PCLO: variants seen among roughly 807,000 people sequenced by gnomAD.
PCLO encodes piccolo presynaptic cytomatrix protein, also known as protein piccolo.
PCLO carries 82 observed loss-of-function variants against 427.5 expected under a neutral mutation model. The ratio of observed to expected loss-of-function variants is 0.19; its 90% CI spans 0.16 to 0.23. PCLO has a LOEUF of 0.23. PCLO is among the 10% of genes least tolerant of loss of function. The pLI is 1.00. For synonymous variants in PCLO, 2,357 were observed against 2,155.4 expected (o/e 1.09, Z -2.59); for missense variants, 6,239 against 6,115.9 (o/e 1.02, Z -0.67).
intron 3 of PCLO, among the ~76,000 whole-genome samples, chr7:83,029,605 T>C (rs1219925190): frequency 8.0e-6 from 1 of 124,614 alleles, no homozygotes; most frequent in Non-Finnish European, 1.7e-5. Flanking sequence ...GCCATCCCAT[T>C]ACTGGGTATA....
intron 17 of PCLO, 81 bp from the exon 18 acceptor site, chr7:82,826,741 AT>A (rs1007284275): frequency 4.9e-5 from 39 of 795,226 alleles, no homozygotes; most frequent in African/African-American, 4.6e-4. Context: ...AGACATATTT[AT>A]TTTTTTCCTT....
chr7:82,928,140 G>A (rs555048921), intron 6 of PCLO, among the ~76,000 whole-genome samples: 39 of 152,128 alleles, frequency 2.6e-4, no homozygotes, highest in Non-Finnish European at 5.0e-4. Flanking sequence ...ATTTAGAATC[G>A]CATTATTGAA....
intron 14 of PCLO, 73 bp from the exon 15 acceptor site, chr7:82,838,415 T>A: frequency 1.1e-6 from 1 of 885,830 alleles, no homozygotes; most frequent in South Asian, 2.1e-5. Flanking sequence ...ATTTACTAGT[T>A]TTTTTTAAAG....
intron 3 of PCLO, among the ~76,000 whole-genome samples, chr7:83,024,298 G>T (rs147973615): frequency 6.6e-6 from 1 of 152,164 alleles, no homozygotes; most frequent in Non-Finnish European, 1.5e-5. Flanking sequence ...CTCGGGAAGC[G>T]CAAGGGGTCA....
At position 83,162,333 on chromosome 7, in the gene PCLO, T is replaced by C. The variant is rs374550169; in HGVS notation, c.248+12A>G. ...CATATATGCCCGGACATATACATCATGCTGTGCATGCCTGTGCATGGAAGG... is the reference window on the plus strand; with the variant it reads ...CATATATGCCCGGACATATACATCACGCTGTGCATGCCTGTGCATGGAAGG... On this transcript the variant is annotated intron_variant, in intron 1 of 24. Transcript: ENST00000333891. 1.4e-5 allele frequency: 23 copies of C among 1,592,012 alleles called. No individual in the cohort carries two copies. Among genetic ancestry groups the C allele is most frequent in the South Asian group, 5.7e-5 (5 of 88,144 alleles).
intron 22 of PCLO, among the ~76,000 whole-genome samples, chr7:82,770,293 G>T (rs1790622594): frequency 6.6e-6 from 1 of 151,728 alleles, no homozygotes; most frequent in African/African-American, 2.4e-5. Flanking sequence ...AATAATTCTA[G>T]ATATTCATGG....
At chr7:82,914,618 A>T in intron 7 of PCLO, 68 bp downstream of exon 7, 1 of 1,471,184 alleles carries the variant, frequency 6.8e-7, no homozygotes, top group Non-Finnish European at 9.4e-7. Flanking sequence ...GGAGAAGGGA[A>T]ATTAAACATG....
At position 82,933,747 on chromosome 7, in the gene PCLO, C is replaced by G. The variant is rs1008472858; in HGVS notation, c.11112+15729G>C. ...ACATAAGAAGCATAGATTTTGAGGC[C>G]CTTTGTCAAAATAAGGCCAAGGCCA... On this transcript the variant is annotated intron_variant, in intron 6 of 24. Transcript: ENST00000333891. Among the ~76,000 whole-genome samples the G allele has an allele frequency of 9.2e-5, 14 of 152,026 alleles. No homozygotes were observed. In the East Asian group the frequency reaches 2.7e-3, roughly 29 times the overall value.
At chr7:83,102,955 G>C (rs1379429572) in intron 3 of PCLO, among the ~76,000 whole-genome samples, 1 of 151,300 alleles carries the variant, frequency 6.6e-6, no homozygotes, top group African/African-American at 2.4e-5. Flanking sequence ...CTACAAATCT[G>C]AGACATTTAT....
At chr7:83,024,148 G>A (rs900731981) in intron 3 of PCLO, among the ~76,000 whole-genome samples, 2 of 152,212 alleles carry the variant, frequency 1.3e-5, no homozygotes, top group Admixed American at 1.3e-4. Context: ...CTCCCAGCGT[G>A]AGCGACGCAG....
intron 10 of PCLO, among the ~76,000 whole-genome samples, chr7:82,858,710 C>T (rs980040453): frequency 6.6e-6 from 1 of 151,964 alleles, no homozygotes; most frequent in Non-Finnish European, 1.5e-5. Flanking sequence ...TTTGAAATAT[C>T]ATATATGATA....
At chr7:83,153,067 T>A (rs1792177341) in intron 2 of PCLO, among the ~76,000 whole-genome samples, 1 of 151,932 alleles carries the variant, frequency 6.6e-6, no homozygotes, top group African/African-American at 2.4e-5. Flanking sequence ...TATAAAGTGA[T>A]CATCTATCAT....
intron 22 of PCLO, among the ~76,000 whole-genome samples, chr7:82,770,908 C>T (rs577105965): frequency 3.3e-5 from 5 of 151,770 alleles, no homozygotes; most frequent in East Asian, 1.9e-4. Flanking sequence ...ATATTAAAGC[C>T]GCTGATATGT....
intron 3 of PCLO, among the ~76,000 whole-genome samples, chr7:82,974,143 T>C (rs1407410786): frequency 1.3e-5 from 2 of 152,154 alleles, no homozygotes; most frequent in Admixed American, 6.6e-5. Context: ...TCCTAGCACT[T>C]TGGGAGACCG....
chr7:82,763,953 T>A (rs1411511507), intron 22 of PCLO, among the ~76,000 whole-genome samples: 1 of 151,968 alleles, frequency 6.6e-6, no homozygotes, highest in Non-Finnish European at 1.5e-5. Flanking sequence ...TTTGACTCTC[T>A]CAGAAATATA....
intron 10 of PCLO, among the ~76,000 whole-genome samples, chr7:82,855,346 C>G (rs1792775318): frequency 6.6e-6 from 1 of 151,974 alleles, no homozygotes; most frequent in Non-Finnish European, 1.5e-5. Flanking sequence ...AATGGTAGTA[C>G]AGAAATATGA....
chr7:82,965,316 CTTTT>C (rs544516132), intron 4 of PCLO, among the ~76,000 whole-genome samples: 239 of 123,066 alleles, frequency 1.9e-3, no homozygotes, highest in African/African-American at 4.3e-3. Context: ...TTCTTTCTTT[CTTTT>C]TTTTTTTTTT....
intron 4 of PCLO, among the ~76,000 whole-genome samples, chr7:82,963,366 A>G (rs1322445296): frequency 6.6e-6 from 1 of 152,106 alleles, no homozygotes; most frequent in Non-Finnish European, 1.5e-5. Context: ...CTGATAGTTA[A>G]CAAACACAAA....
At chr7:83,158,108 A>G (rs139102038) in intron 1 of PCLO, among the ~76,000 whole-genome samples, 457 of 152,180 alleles carry the variant, frequency 3.0e-3, no homozygotes, top group African/African-American at 0.01. Flanking sequence ...GTATGCATAA[A>G]GTGATTTTCT....
Sources: gnomAD v4.1 joint callset for allele counts (sites outside exome capture counted in the v4.1 genomes callset) on GRCh38, gnomAD v4.1.1 for gene constraint, MANE v1.5 for transcripts, NCBI Gene and HGNC (gene_info 2026-07-23, HGNC 2026-07-21) for gene names.